Variants in UBE2D3 observed in about 807,000 individuals in gnomAD.
The protein encoded by UBE2D3 is ubiquitin conjugating enzyme E2 D3, also known as ubiquitin-conjugating enzyme E2 D3.
In UBE2D3, 2 loss-of-function variants were observed where a neutral mutation model predicts 22.8. The observed-to-expected ratio is 0.09, with a 90% CI of 0.04 to 0.28. The LOEUF is 0.28. UBE2D3 is among the 10% of genes least tolerant of loss of function. The pLI is 1.00. For missense variants in UBE2D3, 27 were observed against 182.5 expected (o/e 0.15, Z 4.91); for synonymous variants, 56 against 60.4 (o/e 0.93, Z 0.34).
rs1352670690 is a variant in UBE2D3, at chr4:102,794,521, T to G, written c.*2894A>C. ...GTTCCTCATAAAAGACAAATTCACT[T>G]AAAAGTGTAATCAACAATCATTAAC... On this transcript the variant is annotated 3_prime_UTR_variant, in exon 8 of 8. Transcript: ENST00000453744. The G allele has an allele frequency of 6.6e-6, 1 of 152,054 alleles. No homozygotes were observed. Among genetic ancestry groups the G allele is most frequent in the Admixed American group, 6.6e-5 (1 of 15,256 alleles). The allele number at this position is 152,054 out of a possible 1,614,324, so 9.4% of individuals were successfully genotyped here.
chr4:102,866,924 T>C (rs1283984375), intron 1 of UBE2D3, among the ~76,000 whole-genome samples: 2 of 152,158 alleles, frequency 1.3e-5, no homozygotes, highest in Non-Finnish European at 2.9e-5. Context: ...GTTAACAGAA[T>C]AGTCCAGAGG....
intron 1 of UBE2D3, among the ~76,000 whole-genome samples, chr4:102,848,920 C>CGT (rs1560889524): frequency 7.3e-5 from 7 of 96,484 alleles, no homozygotes; most frequent in South Asian, 3.6e-4. Flanking sequence ...TTTATGTGTG[C>CGT]CTGTGTGTGT....
chr4:102,843,189 G>A (rs968844407), intron 1 of UBE2D3: 8 of 152,206 alleles, frequency 5.3e-5, no homozygotes, highest in Non-Finnish European at 2.9e-5. Flanking sequence ...AGAAGTTAAT[G>A]TAGGAGAGAT....
intron 7 of UBE2D3, 52 bp downstream of exon 7, chr4:102,799,355 G>A (rs1364381943): frequency 7.0e-7 from 1 of 1,424,634 alleles, no homozygotes; most frequent in African/African-American, 1.4e-5. Context: ...CAAAGTATAA[G>A]CCTAACTCAT....
At chr4:102,823,565 ATT>A (rs1385837335) in intron 2 of UBE2D3, among the ~76,000 whole-genome samples, 5 of 152,212 alleles carry the variant, frequency 3.3e-5, no homozygotes, top group Non-Finnish European at 5.9e-5. Flanking sequence ...TGGTTCACAT[ATT>A]TATCTTCAAA....
upstream of UBE2D3, chr4:102,827,755 A>G: frequency 1.0e-6 from 1 of 984,378 alleles, no homozygotes; most frequent in Non-Finnish European, 1.2e-6. Flanking sequence ...AACAGATCGG[A>G]GATTGGACCA....
chr4:102,813,589 G>A (rs1436797954), intron 2 of UBE2D3, among the ~76,000 whole-genome samples: 1 of 152,152 alleles, frequency 6.6e-6, no homozygotes, highest in Non-Finnish European at 1.5e-5. Context: ...TATACAAGTT[G>A]AGAACAGGCT....
intron 1 of UBE2D3, chr4:102,843,199 T>G (rs924733272): frequency 4.6e-5 from 7 of 152,106 alleles, no homozygotes; most frequent in African/African-American, 9.7e-5. Context: ...GTAGGAGAGA[T>G]GTTATATGAA....
intron 1 of UBE2D3, among the ~76,000 whole-genome samples, chr4:102,860,918 G>A (rs1209589320): frequency 1.3e-5 from 2 of 151,906 alleles, no homozygotes; most frequent in Non-Finnish European, 2.9e-5. Flanking sequence ...AGCCTATGGT[G>A]GAGTCTGCAA....
intron 1 of UBE2D3, among the ~76,000 whole-genome samples, chr4:102,860,404 G>GGTGTGTGTGTGTGT (rs540255423): frequency 9.8e-5 from 12 of 122,752 alleles, no homozygotes; most frequent in African/African-American, 4.0e-4. Context: ...ATGTTTTCCT[G>GGTGTGTGTGTGTGT]GTGTGTGTGT....
intron 1 of UBE2D3, among the ~76,000 whole-genome samples, chr4:102,861,731 G>C (rs764626517): frequency 6.6e-6 from 1 of 151,926 alleles, no homozygotes; most frequent in African/African-American, 2.4e-5. Flanking sequence ...AAGATCTATG[G>C]AATTAAGCTT....
chr4:102,851,343 A>C (rs1365265111), intron 1 of UBE2D3, among the ~76,000 whole-genome samples: 1 of 152,238 alleles, frequency 6.6e-6, no homozygotes, highest in Non-Finnish European at 1.5e-5. Context: ...CGTTTGGAAC[A>C]CTGCACTGAG....
chr4:102,839,328 G>A (rs975045156), intron 1 of UBE2D3, among the ~76,000 whole-genome samples: 5 of 152,156 alleles, frequency 3.3e-5, no homozygotes, highest in South Asian at 4.1e-4. Context: ...ATGCAATGGC[G>A]CCATCATGGC....
At chr4:102,823,158 T>C (rs1168008493) in intron 2 of UBE2D3, among the ~76,000 whole-genome samples, 8 of 152,140 alleles carry the variant, frequency 5.3e-5, no homozygotes, top group African/African-American at 2.4e-5. Flanking sequence ...ACTACTGTAA[T>C]AGATAATACT....
At chr4:102,827,212 C>T (rs534347846) in intron 1 of UBE2D3, 1 of 985,252 alleles carries the variant, frequency 1.0e-6, no homozygotes, top group Non-Finnish European at 1.2e-6. Context: ...CGCGCCCGCG[C>T]TGTCCCTGAG....
At chr4:102,815,276 C>G (rs1431732420) in intron 2 of UBE2D3, among the ~76,000 whole-genome samples, 2 of 152,098 alleles carry the variant, frequency 1.3e-5, no homozygotes, top group African/African-American at 2.4e-5. Flanking sequence ...AACTCCTGAC[C>G]TCAGGTGATC....
intron 1 of UBE2D3, among the ~76,000 whole-genome samples, chr4:102,855,564 G>A (rs1030580011): frequency 1.3e-5 from 2 of 152,136 alleles, no homozygotes; most frequent in Non-Finnish European, 2.9e-5. Context: ...GGGATTACAG[G>A]TGTGTGCCAC....
chr4:102,855,227 G>A (rs914624754), intron 1 of UBE2D3, among the ~76,000 whole-genome samples: 5 of 152,142 alleles, frequency 3.3e-5, no homozygotes, highest in African/African-American at 1.2e-4. Flanking sequence ...GGATAAAAAC[G>A]AGGGTCTGCC....
intron 1 of UBE2D3, among the ~76,000 whole-genome samples, chr4:102,847,460 A>AT (rs1732094642): frequency 1.3e-5 from 2 of 150,904 alleles, no homozygotes; most frequent in Admixed American, 6.6e-5. Context: ...TAATTTTTGT[A>AT]TTTTTTCATA....
Sources: allele counts gnomAD v4.1 joint callset (sites outside exome capture counted in the v4.1 genomes callset), GRCh38; gene constraint gnomAD v4.1.1; transcripts MANE v1.5; gene names NCBI Gene and HGNC (gene_info 2026-07-23, HGNC 2026-07-21).